The following PRDM6 variants were observed in gnomAD, a reference collection of about 807,000 sequenced individuals.
PRDM6 encodes the protein putative histone-lysine N-methyltransferase PRDM6.
PRDM6 carries 25 observed loss-of-function variants against 60.8 expected under a neutral mutation model. The observed-to-expected ratio is 0.41, with a 90% CI of 0.30 to 0.57. The LOEUF is 0.57. PRDM6 is among the 20% of genes least tolerant of loss of function. The pLI, the probability that PRDM6 is intolerant of heterozygous loss-of-function variation, is 0.27. For missense variants in PRDM6, 839 were observed against 821.3 expected (o/e 1.02, Z -0.26); for synonymous variants, 407 against 357.4 (o/e 1.14, Z -1.57).
chr5:123,169,021 C>A (rs1254449427), intron 5 of PRDM6, among the ~76,000 whole-genome samples: 1 of 152,220 alleles, frequency 6.6e-6, no homozygotes, highest in Non-Finnish European at 1.5e-5. Flanking sequence ...GGAGTGCTCC[C>A]AGGTCATGTG....
intron 5 of PRDM6, among the ~76,000 whole-genome samples, chr5:123,167,674 C>A (rs998461877): frequency 6.6e-6 from 1 of 152,194 alleles, no homozygotes; most frequent in Non-Finnish European, 1.5e-5. Context: ...CAGGCGTGAG[C>A]CACCACATCC....
intron 3 of PRDM6, among the ~76,000 whole-genome samples, chr5:123,101,027 C>G (rs1037223448): frequency 1.3e-5 from 2 of 152,150 alleles, no homozygotes; most frequent in African/African-American, 4.8e-5. Flanking sequence ...AACCCCTGGG[C>G]TCCATTAATG....
chr5:123,111,826 T>G (rs1352724652), intron 3 of PRDM6, among the ~76,000 whole-genome samples: 1 of 152,214 alleles, frequency 6.6e-6, no homozygotes, highest in African/African-American at 2.4e-5. Context: ...GCCTCTCTTC[T>G]GCTTCAGGTC....
intron 3 of PRDM6, among the ~76,000 whole-genome samples, chr5:123,111,560 T>C (rs1764312819): frequency 6.6e-6 from 1 of 152,038 alleles, no homozygotes; most frequent in African/African-American, 2.4e-5. Flanking sequence ...TGTCCGGGTG[T>C]GGTGACGGGC....
In PRDM6 at chr5:123,099,313, A is replaced by C. The variant is rs1764042527; in HGVS notation, c.593-341A>C. On this transcript the variant is annotated intron_variant, in intron 2 of 7. Transcript: ENST00000407847. This position sits in a 1 kb window ranked among gnomAD's most constrained non-coding sequence, Gnocchi z 4.0. ...GAGAGAGAGACAGAGACAGAGGGAGAGATGCAGAGAGACTGAAACGGGAGG... is the reference window on the plus strand; with the variant it reads ...GAGAGAGAGACAGAGACAGAGGGAGCGATGCAGAGAGACTGAAACGGGAGG... 6.6e-6 allele frequency among the ~76,000 whole-genome samples: 1 copy of C among 152,162 alleles called. No homozygotes were observed. The highest frequency in any genetic ancestry group is 1.5e-5 in the Non-Finnish European group (1 of 68,024).
intron 3 of PRDM6, among the ~76,000 whole-genome samples, chr5:123,101,951 A>T (rs572779320): frequency 9.8e-4 from 150 of 152,302 alleles, no homozygotes; most frequent in Non-Finnish European, 2.0e-3. Context: ...AGTGAATTTT[A>T]TCTATTGTTC....
intron 3 of PRDM6, among the ~76,000 whole-genome samples, chr5:123,125,984 G>T (rs1384677487): frequency 6.6e-6 from 1 of 151,874 alleles, no homozygotes; most frequent in Non-Finnish European, 1.5e-5. Context: ...TTACTTTGTT[G>T]TGCTTATATG....
chr5:123,099,709 G>A lies in PRDM6; in HGVS notation c.648G>A (p.Leu216=), dbSNP rs577588569. The A allele has an allele frequency of 1.3e-4, 195 of 1,526,976 alleles. 1 individual carries two copies. In the African/African-American group the frequency reaches 2.5e-3, roughly 20 times the overall value. 94.6% of individuals were successfully genotyped at this position (1,526,976 alleles called of 1,614,324 possible). ...RNGECPMHGP[L]HSLRRLVGTS... is the part of the protein sequence containing the mutation. ...GCGAGTGCCCTATGCATGGGCCACT[G>A]CACTCGCTGCGCCGGCTTGTGGGCA... Residue 216 remains leucine (L), a synonymous_variant, in exon 3 of 8, where the codon CTG becomes CTA. Coordinates refer to ENST00000407847, the MANE Select transcript of PRDM6 (RefSeq NM_001136239.4). The surrounding 1 kb of genome is among the most constrained non-coding windows in gnomAD (Gnocchi z 4.0).
intron 5 of PRDM6, among the ~76,000 whole-genome samples, chr5:123,164,921 G>T (rs958038624): frequency 6.6e-6 from 1 of 152,056 alleles, no homozygotes; most frequent in Non-Finnish European, 1.5e-5. Context: ...TGGTCAATGT[G>T]GGGTGTATAA....
chr5:123,193,690 G>A lies in PRDM6; in HGVS notation c.*6489G>A, dbSNP rs1247844490. 1 of 152,140 alleles carries A rather than the reference G, an allele frequency of 6.6e-6. No homozygotes were observed. The highest frequency in any genetic ancestry group is 1.5e-5 in the Non-Finnish European group (1 of 68,030). 9.4% of individuals were successfully genotyped at this position (152,140 alleles called of 1,614,324 possible). On this transcript the variant is annotated 3_prime_UTR_variant, in exon 8 of 8. Transcript: ENST00000407847. ...AGCAAAATTATTTTGGAAACTTAAT[G>A]TCCCAAGTTAATTATTTTTTTTATA...
chr5:123,145,101 G>T (rs1463271368), intron 3 of PRDM6, among the ~76,000 whole-genome samples: 1 of 152,150 alleles, frequency 6.6e-6, no homozygotes, highest in African/African-American at 2.4e-5. Flanking sequence ...TTGCATGCTT[G>T]TTTAATGCTG....
intron 3 of PRDM6, among the ~76,000 whole-genome samples, chr5:123,125,843 T>G (rs1158345310): frequency 1.3e-5 from 2 of 152,226 alleles, no homozygotes; most frequent in African/African-American, 4.8e-5. Context: ...TGGAAGACAC[T>G]GTCCTCTAAC....
chr5:123,148,463 A>T (rs990231428), intron 3 of PRDM6, among the ~76,000 whole-genome samples: 1 of 152,216 alleles, frequency 6.6e-6, no homozygotes, highest in African/African-American at 2.4e-5. Flanking sequence ...AGAAACTATT[A>T]AAATGAAAAA....
At chr5:123,176,773 A>G (rs1226185510) in intron 6 of PRDM6, among the ~76,000 whole-genome samples, 2 of 152,226 alleles carry the variant, frequency 1.3e-5, no homozygotes, top group South Asian at 2.1e-4. Flanking sequence ...GAGATCCTGG[A>G]AAGAGTAAAG....
At chr5:123,107,606 T>G (rs769420291) in intron 3 of PRDM6, among the ~76,000 whole-genome samples, 3 of 152,248 alleles carry the variant, frequency 2.0e-5, no homozygotes, top group Non-Finnish European at 2.9e-5. Flanking sequence ...CTAATCATCC[T>G]TTTGTTTTCA....
chr5:123,165,258 C>G (rs1464343418), intron 5 of PRDM6, among the ~76,000 whole-genome samples: 1 of 152,206 alleles, frequency 6.6e-6, no homozygotes, highest in Middle Eastern at 3.2e-3. Flanking sequence ...ACTAAAACCA[C>G]TCTATTCACT....
chr5:123,095,630 C>T (rs2150206010), intron 2 of PRDM6, among the ~76,000 whole-genome samples: 1 of 152,340 alleles, frequency 6.6e-6, no homozygotes, highest in East Asian at 1.9e-4. Context: ...GCGACCTTGG[C>T]GGCGGTAGGG....
intron 3 of PRDM6, among the ~76,000 whole-genome samples, chr5:123,102,907 A>C (rs1345684591): frequency 6.6e-6 from 1 of 152,088 alleles, no homozygotes; most frequent in Non-Finnish European, 1.5e-5. Flanking sequence ...TTTATTATAC[A>C]CATGAAGGCT....
intron 3 of PRDM6, among the ~76,000 whole-genome samples, chr5:123,146,256 T>C (rs935653076): frequency 3.3e-5 from 5 of 152,216 alleles, no homozygotes; most frequent in Admixed American, 3.3e-4. Flanking sequence ...CACTAGACTA[T>C]ATAAACCAAA....
Sources: allele counts gnomAD v4.1 joint callset (sites outside exome capture counted in the v4.1 genomes callset), GRCh38; gene constraint gnomAD v4.1.1; non-coding constraint Gnocchi (gnomAD v3.1); transcripts MANE v1.5; gene names NCBI Gene and HGNC (gene_info 2026-07-23, HGNC 2026-07-21).